The following L3MBTL1 variants were observed in gnomAD, a reference collection of about 807,000 sequenced individuals.
L3MBTL1 encodes L3MBTL histone methyl-lysine binding protein 1, also known as lethal(3)malignant brain tumor-like protein 1.
L3MBTL1 carries 75 observed loss-of-function variants against 105.3 expected under a neutral mutation model. That is an observed-to-expected ratio of 0.71 (90% CI 0.59 to 0.86). The LOEUF is 0.86. Ranked by LOEUF, L3MBTL1 falls within the 40% of genes least tolerant of loss-of-function variation. The pLI, the probability that L3MBTL1 is intolerant of heterozygous loss-of-function variation, is 0.00. For missense variants in L3MBTL1, 1,069 were observed against 1,126.4 expected (o/e 0.95, Z 0.73); for synonymous variants, 452 against 436.2 (o/e 1.04, Z -0.45).
intron 7 of L3MBTL1, among the ~76,000 whole-genome samples, chr20:43,522,824 C>T (rs1361039712): frequency 2.1e-5 from 3 of 145,230 alleles, no homozygotes; most frequent in Non-Finnish European, 3.0e-5. Context: ...GTCAGATGGC[C>T]GGGCATGGTA....
At chr20:43,522,813 T>C (rs1600916177) in intron 7 of L3MBTL1, among the ~76,000 whole-genome samples, 1 of 135,858 alleles carries the variant, frequency 7.4e-6, no homozygotes, top group Admixed American at 8.0e-5. Context: ...TAAAGTAAAA[T>C]GTCAGATGGC....
chr20:43,514,365 AGT>A (rs1294519694), intron 3 of L3MBTL1: 12 of 1,328,344 alleles, frequency 9.0e-6, no homozygotes, highest in Admixed American at 8.7e-5. Context: ...CGTGGCTTAG[AGT>A]GGGGTACCGT....
At position 43,518,851 on chromosome 20, in the gene L3MBTL1, C is replaced by CAAA. The variant is rs34529936; in HGVS notation, c.862+2700_862+2702dup. On this transcript the variant is annotated intron_variant, in intron 7 of 21. Coordinates refer to ENST00000418998, the MANE Select transcript of L3MBTL1 (RefSeq NM_001377303.1). ...TGAAACCCCATCTCTACTAAAAATA[C>CAAA]AAAAAAAAAAAAAAAAAAAAAAAAA... Among the ~76,000 whole-genome samples the CAAA allele has an allele frequency of 3.6e-4, 12 of 33,292 alleles. 1 individual carries two copies. Among genetic ancestry groups the CAAA allele is most frequent in the Non-Finnish European group, 5.0e-4 (11 of 22,002 alleles). The allele number at this position is 33,292 out of a possible 152,430, so 21.8% of individuals were successfully genotyped here. A position where few individuals can be genotyped will look rare whatever the true frequency, so the allele number is the denominator to read the frequency against.
At position 43,514,751 on chromosome 20, in the gene L3MBTL1, T is replaced by C. The variant is rs750696565; in HGVS notation, c.477T>C (p.Asp159=). The C allele has an allele frequency of 4.5e-6, 7 of 1,561,028 alleles. No homozygotes were observed. The highest frequency in any genetic ancestry group is 6.1e-6 in the Non-Finnish European group (7 of 1,152,514). ...AAGATGGCGGGGCCCCGGCGGGAGA[T>C]GGCGAGGCGGGCCCCCAACAGGCGG... The part of the protein sequence containing the change: ...EYEDGGAPAG[D]GEAGPQQAED... Residue 159 remains aspartate, a synonymous_variant, in exon 4 of 22, where the codon GAT becomes GAC. Coordinates refer to ENST00000418998, the MANE Select transcript of L3MBTL1 (RefSeq NM_001377303.1).
chr20:43,542,218 T>C (rs1331399755), downstream of L3MBTL1, among the ~76,000 whole-genome samples: 1 of 152,132 alleles, frequency 6.6e-6, no homozygotes, highest in African/African-American at 2.4e-5. Flanking sequence ...TCAAAAAACA[T>C]AAAAAGAAAG....
chr20:43,528,587 C>A lies in L3MBTL1; in HGVS notation c.863-70C>A, dbSNP rs551517616. On this transcript the variant is annotated intron_variant, in intron 7 of 21. Coordinates refer to ENST00000418998, the MANE Select transcript of L3MBTL1 (RefSeq NM_001377303.1). ...TTTGGGGGTGAAGGTAGAGCTTGGTCAGGGGAAGCCGAAGAAAGTCATATA... is the reference window on the plus strand; with the variant it reads ...TTTGGGGGTGAAGGTAGAGCTTGGTAAGGGGAAGCCGAAGAAAGTCATATA... 26 of 1,152,952 alleles carry A rather than the reference C, an allele frequency of 2.3e-5. No homozygotes were observed. The East Asian group carries it at 5.9e-4, about 26-fold the overall frequency. 71.4% of individuals were successfully genotyped at this position (1,152,952 alleles called of 1,614,324 possible). A position where few individuals can be genotyped will look rare whatever the true frequency, so the allele number is the denominator to read the frequency against.
chr20:43,518,695 A>T (rs2018534458), intron 7 of L3MBTL1, among the ~76,000 whole-genome samples: 2 of 151,648 alleles, frequency 1.3e-5, no homozygotes, highest in South Asian at 4.2e-4. Context: ...ATCCATACCT[A>T]CGATAAAGGT....
At chr20:43,519,252 G>C (rs987644986) in intron 7 of L3MBTL1, among the ~76,000 whole-genome samples, 1 of 150,550 alleles carries the variant, frequency 6.6e-6, no homozygotes, top group East Asian at 2.0e-4. Flanking sequence ...CTGGAGAATC[G>C]CTTGAACCCA....
In L3MBTL1 at chr20:43,534,271, G is replaced by A. The variant is rs528306365; in HGVS notation, c.1600-13G>A. On this transcript the variant is annotated splice_polypyrimidine_tract_variant and intron_variant, in intron 14 of 21. Coordinates refer to ENST00000418998, the MANE Select transcript of L3MBTL1 (RefSeq NM_001377303.1). ...GCTGCGCCTTGCCCTGAAGGCAGCT[G>A]TCCCCTCTGCAGCGACCCCCTCACA... The A allele has an allele frequency of 8.1e-6, 13 of 1,611,292 alleles. No homozygotes were observed. The highest frequency in any genetic ancestry group is 1.3e-5 in the African/African-American group (1 of 74,910).
At chr20:43,527,762 C>T (rs2019109095) in intron 7 of L3MBTL1, among the ~76,000 whole-genome samples, 2 of 151,912 alleles carry the variant, frequency 1.3e-5, no homozygotes, top group South Asian at 4.1e-4. Flanking sequence ...CTCTGTCACC[C>T]AGACTGGAGT....
chr20:43,536,320 C>G (rs761396866), intron 18 of L3MBTL1, 26 bp downstream of exon 18: 1 of 1,611,940 alleles, frequency 6.2e-7, no homozygotes, highest in Non-Finnish European at 8.5e-7. Flanking sequence ...AATCAGGGCC[C>G]GGGCTTCCTG....
At chr20:43,545,082 G>C (rs950199269), downstream of L3MBTL1, among the ~76,000 whole-genome samples, 1 of 152,132 alleles carries the variant, frequency 6.6e-6, no homozygotes, top group Non-Finnish European at 1.5e-5. Context: ...GCCAGGCTTT[G>C]TGATTCAATG....
intron 6 of L3MBTL1, 133 bp downstream of exon 6, chr20:43,515,548 G>T: frequency 5.6e-6 from 7 of 1,257,852 alleles, no homozygotes; most frequent in Non-Finnish European, 7.6e-6. Context: ...ATCATATTTT[G>T]GGGTCCCATC....
At chr20:43,536,981 C>T (rs2019664120) in intron 19 of L3MBTL1, among the ~76,000 whole-genome samples, 1 of 152,226 alleles carries the variant, frequency 6.6e-6, no homozygotes. Flanking sequence ...CATACTGTGT[C>T]TAACTCTCAC....
chr20:43,522,920 T>C (rs1354286143), intron 7 of L3MBTL1, among the ~76,000 whole-genome samples: 1 of 149,974 alleles, frequency 6.7e-6, no homozygotes, highest in African/African-American at 2.5e-5. Context: ...CTGGTTAACA[T>C]GGCGAACCCC....
intron 7 of L3MBTL1, among the ~76,000 whole-genome samples, chr20:43,524,700 C>T (rs186187084): frequency 1.1e-3 from 163 of 151,478 alleles, no homozygotes; most frequent in African/African-American, 3.5e-3. Context: ...GGTGCTGGAA[C>T]TATGGCTACG....
In L3MBTL1 at chr20:43,541,883, G is replaced by A. The variant is rs1352842396; in HGVS notation, c.*755G>A. ...TATGGTGGGAACACAATAAACACCA[G>A]TTTTGACTTTTAGTGCATAGTTGTC... is the stretch of plus-strand genomic sequence containing the variant. On this transcript the variant is annotated 3_prime_UTR_variant, in exon 22 of 22. Transcript: ENST00000418998. The A allele has an allele frequency of 3.7e-5, 36 of 985,312 alleles. No homozygotes were observed. The highest frequency in any genetic ancestry group is 4.0e-5 in the Non-Finnish European group (33 of 829,928). 61.0% of individuals were successfully genotyped at this position (985,312 alleles called of 1,614,324 possible).
intron 7 of L3MBTL1, among the ~76,000 whole-genome samples, chr20:43,528,017 C>T (rs985301626): frequency 2.6e-5 from 4 of 152,148 alleles, no homozygotes; most frequent in African/African-American, 7.2e-5. Flanking sequence ...CTCAGCCTCC[C>T]GAGTAGCTGG....
intron 9 of L3MBTL1, among the ~76,000 whole-genome samples, chr20:43,529,582 C>G (rs984288514): frequency 1.3e-5 from 2 of 152,180 alleles, no homozygotes; most frequent in East Asian, 3.8e-4. Flanking sequence ...ACTGTCCACT[C>G]TGGGGGAGCT....
Sources: gnomAD v4.1 joint callset for allele counts (sites outside exome capture counted in the v4.1 genomes callset) on GRCh38, gnomAD v4.1.1 for gene constraint, MANE v1.5 for transcripts, NCBI Gene and HGNC (gene_info 2026-07-23, HGNC 2026-07-21) for gene names.